The following LRRC37A2 variants were observed in gnomAD, a reference collection of about 807,000 sequenced individuals.
LRRC37A2 encodes the protein leucine-rich repeat-containing protein 37A2.
Under a neutral mutation model 68.8 loss-of-function variants are expected in LRRC37A2, and 9 were observed. The observed-to-expected ratio is 0.13, with a 90% CI of 0.08 to 0.23. LRRC37A2 has a LOEUF of 0.23. Among genes scored for constraint, LRRC37A2 ranks in the 10% least tolerant of loss-of-function variants. The probability of loss-of-function intolerance (pLI) is 1.00; values close to 1 mark genes in which losing one functional copy is unlikely to be tolerated. For missense variants in LRRC37A2, 168 were observed against 950.4 expected (o/e 0.18, Z 10.82); for synonymous variants, 63 against 367.6 (o/e 0.17, Z 9.48).
At chr17:46,739,525 G>A in the LRRC37A2 span, among the ~76,000 whole-genome samples, 1 of 151,952 alleles carries the variant, frequency 6.6e-6, no homozygotes, top group Non-Finnish European at 1.5e-5. Context: ...GGCAACCAGA[G>A]TGAGACCTTG....
At chr17:46,894,043 C>T in the LRRC37A2 span, among the ~76,000 whole-genome samples, 1 of 152,210 alleles carries the variant, frequency 6.6e-6, no homozygotes, top group Non-Finnish European at 1.5e-5. Flanking sequence ...TGAATTCGCC[C>T]CCAAGATTTG....
the LRRC37A2 span, among the ~76,000 whole-genome samples, chr17:47,027,206 G>A: frequency 2.0e-5 from 3 of 151,970 alleles, no homozygotes; most frequent in African/African-American, 4.8e-5. Context: ...CACCGCACCC[G>A]GCCCGACTAT....
At chr17:46,900,186 T>TATATAC in the LRRC37A2 span, among the ~76,000 whole-genome samples, 5 of 122,700 alleles carry the variant, frequency 4.1e-5, no homozygotes, top group African/African-American at 2.0e-4. Context: ...TATATATATA[T>TATATAC]ATATATATAT....
At chr17:46,783,495 G>A in the LRRC37A2 span, among the ~76,000 whole-genome samples, 1 of 152,228 alleles carries the variant, frequency 6.6e-6, no homozygotes, top group Admixed American at 6.5e-5. Context: ...CCCAGCCCAG[G>A]AGGCTGCTGT....
the LRRC37A2 span, among the ~76,000 whole-genome samples, chr17:46,976,013 G>A: frequency 2.6e-5 from 4 of 152,022 alleles, no homozygotes; most frequent in African/African-American, 4.8e-5. Flanking sequence ...TGCAAGCTCC[G>A]CCTCCCGGGT....
At chr17:46,770,995 G>T in the LRRC37A2 span, among the ~76,000 whole-genome samples, 1 of 152,242 alleles carries the variant, frequency 6.6e-6, no homozygotes, top group Non-Finnish European at 1.5e-5. Flanking sequence ...CGCCGGGCCG[G>T]CCTAGTCGGC....
the LRRC37A2 span, among the ~76,000 whole-genome samples, chr17:46,922,179 T>C: frequency 6.6e-6 from 1 of 152,176 alleles, no homozygotes; most frequent in African/African-American, 2.4e-5. Flanking sequence ...TCATGTCCTT[T>C]GTAGGGACAC....
the LRRC37A2 span, among the ~76,000 whole-genome samples, chr17:46,831,115 G>A: frequency 4.5e-4 from 69 of 152,346 alleles, no homozygotes; most frequent in African/African-American, 1.5e-3. Context: ...TAGAGTGGGG[G>A]TAGCATGGAA....
rs368573638 is a variant in LRRC37A2, at chr17:46,549,015, G to A, written c.3876G>A (p.Thr1292=). The A allele has an allele frequency of 5.5e-5, 89 of 1,612,270 alleles. 6 individuals carry two copies. The African/African-American group carries it at 9.2e-4, about 17-fold the overall frequency. Residue 1292 remains threonine, a synonymous_variant, in exon 10 of 15, where the codon ACG becomes ACA. Transcript: ENST00000576629. ...GTGCAAAGGCTAGAGTTACAAATAC[G>A]AAGACGTCTAAACCAATCGTACATG...
chr17:46,922,816 G>C, the LRRC37A2 span: 1 of 265,362 alleles, frequency 3.8e-6, no homozygotes, highest in South Asian at 6.3e-5. Context: ...AGAACCTCCA[G>C]TCCTCTCTGC....
chr17:46,936,502 T>C, the LRRC37A2 span: 1 of 985,556 alleles, frequency 1.0e-6, no homozygotes, highest in Non-Finnish European at 1.2e-6. Flanking sequence ...TGTTTGTCTC[T>C]TGATTCCCTC....
At chr17:46,734,178 T>C in the LRRC37A2 span, among the ~76,000 whole-genome samples, 1 of 152,178 alleles carries the variant, frequency 6.6e-6, no homozygotes, top group Non-Finnish European at 1.5e-5. Context: ...GTTGCTTTAG[T>C]GAAATAAGCA....
At chr17:46,765,826 C>A in the LRRC37A2 span, among the ~76,000 whole-genome samples, 2 of 152,200 alleles carry the variant, frequency 1.3e-5, no homozygotes, top group African/African-American at 2.4e-5. Context: ...ACAGGACAAC[C>A]CTACACAGAA....
At chr17:46,938,535 C>T in the LRRC37A2 span, 3 of 1,609,290 alleles carry the variant, frequency 1.9e-6, no homozygotes, top group Non-Finnish European at 2.5e-6. Context: ...CTCCTGATGC[C>T]ATTCACCCAC....
chr17:46,921,737 C>G, the LRRC37A2 span, among the ~76,000 whole-genome samples: 2 of 152,302 alleles, frequency 1.3e-5, no homozygotes, highest in African/African-American at 4.8e-5. Context: ...AAAAAATGCT[C>G]ATCATCACTG....
At chr17:46,869,867 C>T in the LRRC37A2 span, among the ~76,000 whole-genome samples, 5 of 151,946 alleles carry the variant, frequency 3.3e-5, no homozygotes, top group South Asian at 2.1e-4. Flanking sequence ...GGGATGGTGG[C>T]GCACACCTGT....
the LRRC37A2 span, among the ~76,000 whole-genome samples, chr17:47,003,174 C>T: frequency 3.7e-4 from 54 of 144,304 alleles, 1 homozygote; most frequent in African/African-American, 1.3e-3. Flanking sequence ...CACTTAAGGC[C>T]GGAAGGAAAT....
At chr17:46,979,266 C>T in the LRRC37A2 span, 1 of 328,944 alleles carries the variant, frequency 3.0e-6, no homozygotes, top group Non-Finnish European at 5.7e-6. Context: ...TTAGCGGTCG[C>T]CCGCTGGGTT....
At chr17:46,784,781 T>G in the LRRC37A2 span, among the ~76,000 whole-genome samples, 1 of 147,836 alleles carries the variant, frequency 6.8e-6, no homozygotes, top group South Asian at 2.1e-4. Flanking sequence ...GCTTTTCTTT[T>G]TTTTTTTTTT....
Sources: allele counts gnomAD v4.1 joint callset (sites outside exome capture counted in the v4.1 genomes callset), GRCh38; gene constraint gnomAD v4.1.1; transcripts MANE v1.5; gene names NCBI Gene and HGNC (gene_info 2026-07-23, HGNC 2026-07-21).